PCNX4: variants seen among roughly 807,000 people sequenced by gnomAD.
PCNX4 encodes pecanex-like protein 4.
PCNX4 carries 103 observed loss-of-function variants against 107.2 expected under a neutral mutation model. The observed-to-expected ratio is 0.96, with a 90% CI of 0.82 to 1.13. The LOEUF is 1.13. PCNX4 is among the 50% of genes most tolerant of loss of function. PCNX4 has a pLI of 0.00. For synonymous variants in PCNX4, 541 were observed against 481.7 expected, an observed-to-expected ratio of 1.12 and a Z score of -1.61; for missense variants, 1,528 against 1,379.4, an observed-to-expected ratio of 1.11 and a Z score of -1.71.
rs946096012 is a variant in PCNX4, at chr14:60,124,365, C to T, written c.2194C>T (p.Pro732Ser). The T allele has an allele frequency of 6.2e-7, 1 of 1,613,110 alleles. No homozygotes were observed. Among genetic ancestry groups the T allele is most frequent in the Non-Finnish European group, 8.5e-7 (1 of 1,179,552 alleles). ...TGTCTTGACACCCTGTACTGTTTTG[C>T]CTGTGAAATTGTATTCTGATGCCAG... ...GNVLTPCTVL[P>S]VKLYSDARNV... The change falls in exon 9 of 11, where the codon CCT (proline) becomes TCT (serine). Residue 732 changes from proline (P) to serine (S), a missense_variant. Coordinates refer to ENST00000406854, the MANE Select transcript of PCNX4 (RefSeq NM_001330177.2).
In PCNX4 at chr14:60,107,747, C is replaced by T; in HGVS notation, c.109C>T (p.Pro37Ser). 1 of 1,612,572 alleles carries T rather than the reference C, an allele frequency of 6.2e-7. No homozygotes were observed. The highest frequency in any genetic ancestry group is 2.2e-5 in the East Asian group (1 of 44,868). The change falls in exon 2 of 11, where the codon CCT becomes TCT. Residue 37 changes from proline (P) to serine (S), a missense_variant. Coordinates refer to ENST00000406854, the MANE Select transcript of PCNX4 (RefSeq NM_001330177.2). ...GPRFKLGYCA[P>S]PYIYVNQIIL... The stretch of plus-strand genomic sequence containing the variant: ...TCGATTCAAATTAGGCTATTGTGCC[C>T]CTCCTTACATATATGTTAATCAAAT...
intron 2 of PCNX4, among the ~76,000 whole-genome samples, chr14:60,112,290 G>A (rs564469128): frequency 1.7e-4 from 26 of 152,266 alleles, no homozygotes; most frequent in Non-Finnish European, 3.4e-4. Context: ...GTGGATCTTA[G>A]TGAGTGTGCA....
rs767667573 is a variant in PCNX4, at chr14:60,114,704, G to T, written c.694G>T (p.Val232Leu). The T allele has an allele frequency of 5.0e-6, 8 of 1,605,422 alleles. No individual in the cohort carries two copies. The highest frequency in any genetic ancestry group is 4.4e-5 in the South Asian group (4 of 90,382). Residue 232 changes from valine to leucine, a missense_variant, in exon 3 of 11, where the codon GTG becomes TTG. Val to Leu is a conservative substitution (Grantham distance 32). Transcript: ENST00000406854. ...ATGTTCTTTTTTTTTATATAGGTTT[G>T]TGGTAAATATGCCAGCTCTAGAACA... ...FVSVDLAHRF[V>L]VNMPALEHMN... is the part of the protein sequence containing the mutation.
At chr14:60,131,308 G>A (rs1232890362) in intron 10 of PCNX4, among the ~76,000 whole-genome samples, 2 of 152,188 alleles carry the variant, frequency 1.3e-5, no homozygotes, top group Non-Finnish European at 2.9e-5. Context: ...TGATCTTAAT[G>A]TATAGAATAT....
In PCNX4 at chr14:60,113,803, G is replaced by T. The variant is rs1895785226; in HGVS notation, c.690-897G>T. Among the ~76,000 whole-genome samples the T allele has an allele frequency of 2.0e-5, 3 of 152,060 alleles. No individual in the cohort carries two copies. The South Asian group carries it at 6.2e-4, about 32-fold the overall frequency. ...ACCCCAGAAGTACTCTGACCTTATT[G>T]GTCTCTGGACACAGTGTTTACTAGC... On this transcript the variant is annotated intron_variant, in intron 2 of 10. Transcript: ENST00000406854.
intron 1 of PCNX4, among the ~76,000 whole-genome samples, chr14:60,099,257 C>T (rs1043462517): frequency 4.6e-5 from 7 of 152,012 alleles, no homozygotes; most frequent in Non-Finnish European, 8.8e-5. Flanking sequence ...TAAAATTTTC[C>T]GTTTTCCAAA....
intron 10 of PCNX4, among the ~76,000 whole-genome samples, chr14:60,130,301 A>C (rs1048658759): frequency 2.0e-5 from 3 of 148,812 alleles, no homozygotes; most frequent in African/African-American, 7.3e-5. Context: ...ATAATATTTT[A>C]TTAATATATA....
Position 60,092,190 on chromosome 14 carries a change from G to C in PCNX4, c.-283G>C, listed in dbSNP as rs908296790. The C allele has an allele frequency of 2.0e-5, 3 of 152,284 alleles. No individual in the cohort carries two copies. The highest frequency in any genetic ancestry group is 4.4e-5 in the Non-Finnish European group (3 of 68,082). 9.4% of individuals were successfully genotyped at this position (152,284 alleles called of 1,614,324 possible). ...GCCGACGAGGTCCCCGAACGCGCAC[G>C]CGCTCCGTTCAGCTCCGGGTGGCGG... On this transcript the variant is annotated 5_prime_UTR_variant, in exon 1 of 11. Transcript: ENST00000406854.
rs1896283988 is a variant in PCNX4, at chr14:60,139,608, T to C, written c.*5387T>C. Reference sequence around the variant, plus strand: ...ATAATACTTTAAAACTTAACCTAATTGGCATATATGAAACAGAATACCCAA... The same window carrying C: ...ATAATACTTTAAAACTTAACCTAATCGGCATATATGAAACAGAATACCCAA... On this transcript the variant is annotated 3_prime_UTR_variant, in exon 11 of 11. Coordinates refer to ENST00000406854, the MANE Select transcript of PCNX4 (RefSeq NM_001330177.2). 2 of 152,094 alleles carry C rather than the reference T, an allele frequency of 1.3e-5. No homozygotes were observed. Among genetic ancestry groups the C allele is most frequent in the Non-Finnish European group, 2.9e-5 (2 of 67,962 alleles). The allele number at this position is 152,094 out of a possible 1,614,324, so 9.4% of individuals were successfully genotyped here.
chr14:60,148,103 A>G lies in PCNX4; in HGVS notation c.*13882A>G, dbSNP rs1896452604. 1 of 152,196 alleles carries G rather than the reference A, an allele frequency of 6.6e-6. No individual in the cohort carries two copies. The highest frequency in any genetic ancestry group is 1.5e-5 in the Non-Finnish European group (1 of 68,030). 9.4% of individuals were successfully genotyped at this position (152,196 alleles called of 1,614,324 possible). A position where few individuals can be genotyped will look rare whatever the true frequency, so the allele number is the denominator to read the frequency against. On this transcript the variant is annotated 3_prime_UTR_variant, in exon 11 of 11. Transcript: ENST00000406854. This position sits in a 1 kb window ranked among gnomAD's most constrained non-coding sequence, Gnocchi z 4.8. ...CACACTCTGGACATTTTAGTGTGTCATGACCCAGTCTGATAACCTTTTATG... is the reference window on the plus strand; with the variant it reads ...CACACTCTGGACATTTTAGTGTGTCGTGACCCAGTCTGATAACCTTTTATG...
At chr14:60,125,319 A>T in intron 9 of PCNX4, 68 bp downstream of exon 9, 11 of 1,356,512 alleles carry the variant, frequency 8.1e-6, no homozygotes, top group Non-Finnish European at 8.8e-6. Flanking sequence ...TAAATCACGT[A>T]CAAGAAGACA....
chr14:60,102,773 G>C (rs160228), intron 1 of PCNX4, among the ~76,000 whole-genome samples: 1 of 152,000 alleles, frequency 6.6e-6, no homozygotes. Flanking sequence ...GGAATTAATA[G>C]TCTTTCAGAA....
At position 60,137,465 on chromosome 14, in the gene PCNX4, T is replaced by G. The variant is rs1896253102; in HGVS notation, c.*3244T>G. 1 of 152,278 alleles carries G rather than the reference T, an allele frequency of 6.6e-6. No individual in the cohort carries two copies. Among genetic ancestry groups the G allele is most frequent in the Non-Finnish European group, 1.5e-5 (1 of 68,060 alleles). The allele number at this position is 152,278 out of a possible 1,614,324, so 9.4% of individuals were successfully genotyped here. The stretch of plus-strand genomic sequence containing the variant: ...AAACTGGATTCAGGTGACCCTTTGC[T>G]GCAGCCGCTACCCAGAGCAAATGTA... On this transcript the variant is annotated 3_prime_UTR_variant, in exon 11 of 11. Transcript: ENST00000406854.
intron 1 of PCNX4, among the ~76,000 whole-genome samples, chr14:60,107,263 C>T (rs1895646377): frequency 6.6e-6 from 1 of 152,054 alleles, no homozygotes; most frequent in Non-Finnish European, 1.5e-5. Context: ...TGCCTATAGT[C>T]CCAGCTACTC....
intron 6 of PCNX4, among the ~76,000 whole-genome samples, chr14:60,116,612 T>C (rs1008537551): frequency 1.3e-5 from 2 of 152,210 alleles, no homozygotes; most frequent in African/African-American, 4.8e-5. Context: ...TATACAATTG[T>C]GTACAGTATG....
chr14:60,123,616 A>C (rs1339674458), intron 8 of PCNX4, among the ~76,000 whole-genome samples: 1 of 152,104 alleles, frequency 6.6e-6, no homozygotes, highest in Non-Finnish European at 1.5e-5. Context: ...TTATGTAAGG[A>C]TATATTGATG....
At chr14:60,105,537 C>T (rs1566930842) in intron 1 of PCNX4, among the ~76,000 whole-genome samples, 1 of 151,938 alleles carries the variant, frequency 6.6e-6, no homozygotes, top group African/African-American at 2.4e-5. Context: ...TGTGTGTACT[C>T]TTTTTTTTGG....
At chr14:60,101,412 C>T (rs549792807) in intron 1 of PCNX4, among the ~76,000 whole-genome samples, 2 of 152,038 alleles carry the variant, frequency 1.3e-5, no homozygotes, top group Non-Finnish European at 2.9e-5. Flanking sequence ...AAGGAACACT[C>T]AGATTAAAGA....
intron 4 of PCNX4, 93 bp from the exon 5 acceptor site, chr14:60,115,626 G>T: frequency 7.4e-7 from 1 of 1,357,130 alleles, no homozygotes; most frequent in South Asian, 1.4e-5. Context: ...TCGCTTAAAT[G>T]TGCTCATAAA....
Sources: allele counts gnomAD v4.1 joint callset (sites outside exome capture counted in the v4.1 genomes callset), GRCh38; gene constraint gnomAD v4.1.1; non-coding constraint Gnocchi (gnomAD v3.1); transcripts MANE v1.5; gene names NCBI Gene and HGNC (gene_info 2026-07-23, HGNC 2026-07-21).